NOL4L: variants seen among roughly 807,000 people sequenced by gnomAD.
NOL4L encodes the protein nucleolar protein 4-like.
Under a neutral mutation model 64.5 loss-of-function variants are expected in NOL4L, and 7 were observed. The ratio of observed to expected loss-of-function variants is 0.11; its 90% CI spans 0.06 to 0.20. The LOEUF (loss-of-function observed/expected upper bound fraction) is 0.20, where lower values mean the gene tolerates loss of function less well. Among genes scored for constraint, NOL4L ranks in the 10% least tolerant of loss-of-function variants. The pLI, the probability that NOL4L is intolerant of heterozygous loss-of-function variation, is 1.00. For missense variants in NOL4L, 680 were observed against 967.1 expected, an observed-to-expected ratio of 0.70 and a Z score of 3.94; for synonymous variants, 413 against 401.0, an observed-to-expected ratio of 1.03 and a Z score of -0.36.
intron 1 of NOL4L, among the ~76,000 whole-genome samples, chr20:32,581,750 C>T (rs892914630): frequency 9.8e-5 from 15 of 152,332 alleles, no homozygotes; most frequent in African/African-American, 3.6e-4. Flanking sequence ...CCCACCCGAG[C>T]ACCCCAGTGC....
intron 3 of NOL4L, among the ~76,000 whole-genome samples, chr20:32,518,043 C>T (rs558578727): frequency 2.4e-4 from 36 of 152,274 alleles, no homozygotes; most frequent in African/African-American, 7.9e-4. Context: ...CCTGTCCTGC[C>T]GAGGGACACA....
intron 1 of NOL4L, among the ~76,000 whole-genome samples, chr20:32,545,992 A>G (rs1600863059): frequency 7.1e-6 from 1 of 140,124 alleles, no homozygotes; most frequent in South Asian, 2.2e-4. Context: ...TCTGTCGCCC[A>G]GGCTGGAATG....
At chr20:32,567,350 C>T (rs994672494) in intron 1 of NOL4L, among the ~76,000 whole-genome samples, 7 of 152,300 alleles carry the variant, frequency 4.6e-5, no homozygotes, top group South Asian at 2.1e-4. Flanking sequence ...ATTTAGGGAA[C>T]GGGATCTGCC....
Position 32,447,524 on chromosome 20 carries a change from TG to T in NOL4L, c.*71del. 6.6e-7 allele frequency: 1 copy of T among 1,503,942 alleles called. No homozygotes were observed. The highest frequency in any genetic ancestry group is 8.8e-7 in the Non-Finnish European group (1 of 1,136,526). 93.2% of individuals were successfully genotyped at this position (1,503,942 alleles called of 1,614,324 possible). A position where few individuals can be genotyped will look rare whatever the true frequency, so the allele number is the denominator to read the frequency against. On this transcript the variant is annotated 3_prime_UTR_variant, in exon 11 of 11. Coordinates refer to ENST00000621426, the MANE Select transcript of NOL4L (RefSeq NM_001256798.2). ...TTCAAAAACAAAATGTACCAACTGG[TG>T]AGGCAGGAAGCCAGGTCCAGGCTGG...
chr20:32,552,458 G>A (rs761037757), intron 1 of NOL4L, among the ~76,000 whole-genome samples: 2 of 152,146 alleles, frequency 1.3e-5, no homozygotes, highest in African/African-American at 2.4e-5. Flanking sequence ...AGGCCAAGGC[G>A]GGCGGATGAC....
chr20:32,473,651 G>A (rs1034495266), intron 5 of NOL4L, among the ~76,000 whole-genome samples: 1 of 152,136 alleles, frequency 6.6e-6, no homozygotes, highest in African/African-American at 2.4e-5. Context: ...GACCCAAACA[G>A]CAAGGCTCCT....
At chr20:32,550,090 A>C (rs1000661489) in intron 1 of NOL4L, among the ~76,000 whole-genome samples, 9 of 152,260 alleles carry the variant, frequency 5.9e-5, no homozygotes, top group Admixed American at 6.5e-5. Context: ...AAAAGGAATG[A>C]AGTACAGTCA....
chr20:32,447,872 A>G (rs922947668), intron 10 of NOL4L, 56 bp from the exon 11 acceptor site: 32 of 1,511,934 alleles, frequency 2.1e-5, no homozygotes, highest in Middle Eastern at 2.5e-4. Flanking sequence ...GGCATCTGGG[A>G]GGTGTACCTT....
At chr20:32,529,724 G>A (rs890695646) in intron 1 of NOL4L, among the ~76,000 whole-genome samples, 2 of 152,160 alleles carry the variant, frequency 1.3e-5, no homozygotes, top group African/African-American at 4.8e-5. Flanking sequence ...GACCTCACTG[G>A]CCCCAACAAG....
intron 1 of NOL4L, 70 bp downstream of exon 1, chr20:32,584,500 A>T: frequency 4.5e-6 from 2 of 444,298 alleles, no homozygotes; most frequent in Non-Finnish European, 3.3e-6. Flanking sequence ...CCACACCCCC[A>T]CCCCGCCCCC....
intron 4 of NOL4L, chr20:32,510,115 C>A: frequency 2.5e-6 from 1 of 403,438 alleles, no homozygotes; most frequent in Non-Finnish European, 4.7e-6. Flanking sequence ...CCAACCCAAG[C>A]CCATTTTCCC....
intron 1 of NOL4L, among the ~76,000 whole-genome samples, chr20:32,543,487 T>G (rs946261876): frequency 6.6e-6 from 1 of 152,040 alleles, no homozygotes; most frequent in Admixed American, 6.6e-5. Context: ...GGTGTGGTTG[T>G]GGGCACCTGT....
rs142250599 is a variant in NOL4L, at chr20:32,445,130, C to T, written c.*2466G>A. 2.6e-5 allele frequency: 4 copies of T among 152,324 alleles called. No homozygotes were observed. The East Asian group carries it at 7.7e-4, about 29-fold the overall frequency. The allele number at this position is 152,324 out of a possible 1,614,324, so 9.4% of individuals were successfully genotyped here. A position where few individuals can be genotyped will look rare whatever the true frequency, so the allele number is the denominator to read the frequency against. ...TTGTCCTGGAGGGGCCTGGGAGGCC[C>T]AATGGACTTTAACAACATATTCTTT... On this transcript the variant is annotated 3_prime_UTR_variant, in exon 11 of 11. Transcript: ENST00000621426.
chr20:32,540,380 GACATAGCCTCAC>G (rs1353832445), intron 1 of NOL4L, among the ~76,000 whole-genome samples: 2 of 152,326 alleles, frequency 1.3e-5, no homozygotes, highest in Non-Finnish European at 2.9e-5. Context: ...CAGAGACATG[GACATAGCCTCAC>G]ACATGCAACC....
chr20:32,536,797 AGT>A (rs1243471687), intron 1 of NOL4L, among the ~76,000 whole-genome samples: 2 of 6,388 alleles, frequency 3.1e-4, no homozygotes, highest in Non-Finnish European at 5.7e-4. Context: ...CCCGGCTGGG[AGT>A]GGGGGGGGGG....
intron 1 of NOL4L, among the ~76,000 whole-genome samples, chr20:32,576,773 C>T (rs577408101): frequency 9.2e-5 from 14 of 152,336 alleles, no homozygotes; most frequent in African/African-American, 3.1e-4. Flanking sequence ...CAGTTGAAAT[C>T]GGAGGGGAAG....
chr20:32,455,164 G>A (rs560060544), intron 6 of NOL4L, among the ~76,000 whole-genome samples: 9 of 152,376 alleles, frequency 5.9e-5, no homozygotes, highest in South Asian at 4.1e-4. Context: ...TGCTGGTGGC[G>A]TTCCTGCTCT....
Position 32,460,663 on chromosome 20 carries a change from C to T in NOL4L, c.842-4268G>A, listed in dbSNP as rs1350037778. Among the ~76,000 whole-genome samples the T allele has an allele frequency of 6.6e-6, 1 of 152,200 alleles. No individual in the cohort carries two copies. Among genetic ancestry groups the T allele is most frequent in the African/African-American group, 2.4e-5 (1 of 41,450 alleles). On this transcript the variant is annotated intron_variant, in intron 5 of 10. Transcript: ENST00000621426. The surrounding 1 kb of genome is among the most constrained non-coding windows in gnomAD (Gnocchi z 5.7). ...CCCTGCACCCCACATTTTCTCACAT[C>T]ATAACTCACCCACTGCCGACGCACG...
intron 2 of NOL4L, among the ~76,000 whole-genome samples, chr20:32,524,913 T>C (rs1354509624): frequency 6.6e-6 from 1 of 152,068 alleles, no homozygotes; most frequent in Non-Finnish European, 1.5e-5. Flanking sequence ...AGGAGGCACG[T>C]AGGGGAGGAG....
Sources: gnomAD v4.1 joint callset for allele counts (sites outside exome capture counted in the v4.1 genomes callset) on GRCh38, gnomAD v4.1.1 for gene constraint, Gnocchi (gnomAD v3.1) non-coding constraint, MANE v1.5 for transcripts, NCBI Gene and HGNC (gene_info 2026-07-23, HGNC 2026-07-21) for gene names.